ITGB7: variants seen among roughly 807,000 people sequenced by gnomAD.
ITGB7 encodes integrin beta-7.
Under a neutral mutation model 83.4 loss-of-function variants are expected in ITGB7, and 55 were observed. The ratio of observed to expected loss-of-function variants is 0.66; its 90% confidence interval spans 0.53 to 0.83. The LOEUF (loss-of-function observed/expected upper bound fraction) is 0.83. Ranked by LOEUF, ITGB7 falls within the 40% of genes least tolerant of loss-of-function variation. The pLI is 0.00. For synonymous variants in ITGB7, 454 were observed against 423.6 expected (o/e 1.07, Z -0.88); for missense variants, 921 against 1,046.7 (o/e 0.88, Z 1.66).
chr12:53,197,616 G>C lies in ITGB7; in HGVS notation c.451C>G (p.Pro151Ala), dbSNP rs371466329. ...TCCATAAGGTAGTACAGGTCCACCG[G>C]GTATCCCTCAGCACGAAGGAAGCGG... is the stretch of plus-strand genomic sequence containing the variant. ...QVRFLRAEGY[P>A]VDLYYLMDLS... The change falls in exon 5 of 16, where the codon CCG becomes GCG. Residue 151 changes from proline (P) to alanine (A), a missense_variant. Pro to Ala is a conservative substitution (Grantham distance 27). Coordinates refer to ENST00000267082, the MANE Select transcript of ITGB7 (RefSeq NM_000889.3). 6.6e-5 allele frequency: 106 copies of C among 1,614,028 alleles called. No individual in the cohort carries two copies. The highest frequency in any genetic ancestry group is 8.5e-5 in the Non-Finnish European group (100 of 1,180,012).
At chr12:53,191,720 G>A (rs1205029443) in intron 15 of ITGB7, 84 bp from the exon 16 acceptor site, 20 of 1,523,698 alleles carry the variant, frequency 1.3e-5, no homozygotes, top group East Asian at 6.8e-5. Flanking sequence ...GCCTTGAGCC[G>A]AATCCTAGGA....
chr12:53,194,227 G>A lies in ITGB7; in HGVS notation c.1279C>T (p.Gln427Ter). 2 of 1,614,024 alleles carry A rather than the reference G, an allele frequency of 1.2e-6. No homozygotes were observed. Among genetic ancestry groups the A allele is most frequent in the South Asian group, 1.1e-5 (1 of 91,082 alleles). ...KREGKAEDRG[Q>*]CNHVRINQTV... ...TGGTTGATTCGGACGTGGTTGCACTGTCCTCGATCCTCAGCCTTACCCTCC... is the reference window on the plus strand; with the variant it reads ...TGGTTGATTCGGACGTGGTTGCACTATCCTCGATCCTCAGCCTTACCCTCC... Residue 427 changes from glutamine (Q) to a stop codon, truncating the protein, a stop_gained, in exon 10 of 16, where the codon CAG becomes TAG. Coordinates refer to ENST00000267082, the MANE Select transcript of ITGB7 (RefSeq NM_000889.3). LOFTEE classifies it high-confidence loss of function.
chr12:53,195,535 G>C (rs1942127405), intron 8 of ITGB7, 72 bp from the exon 9 acceptor site: 1 of 1,518,030 alleles, frequency 6.6e-7, no homozygotes, highest in Non-Finnish European at 9.2e-7. Flanking sequence ...GGTCTGGAAG[G>C]AGGGCATATG....
Position 53,197,549 on chromosome 12 carries a change from T to C in ITGB7, c.518A>G (p.Gln173Arg). Reference sequence around the variant, plus strand: ...CCGGACCAGCAGAGCGTGCCCGAGCTGGCGCACGCGTTCCAGGTCGTCCTT... The same window carrying C: ...CCGGACCAGCAGAGCGTGCCCGAGCCGGCGCACGCGTTCCAGGTCGTCCTT... ...SMKDDLERVR[Q>R]LGHALLVRLQ... Residue 173 changes from glutamine to arginine, a missense_variant, in exon 5 of 16, where the codon CAG (glutamine) becomes CGG (arginine). By Grantham distance (43) the Gln-to-Arg change is conservative. Transcript: ENST00000267082. The C allele has an allele frequency of 6.2e-7, 1 of 1,614,200 alleles. No homozygotes were observed. The highest frequency in any genetic ancestry group is 8.5e-7 in the Non-Finnish European group (1 of 1,180,028).
intron 2 of ITGB7, among the ~76,000 whole-genome samples, 185 bp from the exon 3 acceptor site, chr12:53,200,631 A>C (rs898989303): frequency 1.3e-5 from 2 of 152,170 alleles, no homozygotes; most frequent in African/African-American, 4.8e-5. Flanking sequence ...AGCAGGTATC[A>C]CGCAAAGGTA....
intron 2 of ITGB7, 120 bp from the exon 3 acceptor site, chr12:53,200,566 C>G: frequency 1.3e-6 from 1 of 758,714 alleles, no homozygotes; most frequent in Non-Finnish European, 2.2e-6. Flanking sequence ...TTTATCTCCC[C>G]TCATAGTTTC....
In ITGB7 at chr12:53,193,120, C is replaced by T. The variant is rs373892008; in HGVS notation, c.1726+20G>A. 2,471 of 1,590,468 alleles carry T rather than the reference C, an allele frequency of 1.6e-3. 44 individuals are homozygous for T. The South Asian group carries it at 0.026, about 17-fold the overall frequency. On this transcript the variant is annotated intron_variant, in intron 12 of 15. Coordinates refer to ENST00000267082, the MANE Select transcript of ITGB7 (RefSeq NM_000889.3). ...GGAAGGCCTCTCAGACCCCGCCCTT[C>T]TCCCCAAGGCTCCAGGTACCTCCGC...
intron 2 of ITGB7, among the ~76,000 whole-genome samples, 197 bp from the exon 3 acceptor site, chr12:53,200,643 G>A (rs984458402): frequency 6.6e-6 from 1 of 152,084 alleles, no homozygotes; most frequent in Non-Finnish European, 1.5e-5. Flanking sequence ...GCAAAGGTAG[G>A]GGCCTCCGGA....
At chr12:53,193,018 C>A in intron 12 of ITGB7, 108 bp from the exon 13 acceptor site, 1 of 1,355,410 alleles carries the variant, frequency 7.4e-7, no homozygotes, top group Non-Finnish European at 1.0e-6. Context: ...ATGCCAACCA[C>A]ACCCTCTAAC....
chr12:53,204,244 G>A (rs1309691153), intron 1 of ITGB7, among the ~76,000 whole-genome samples: 1 of 152,040 alleles, frequency 6.6e-6, no homozygotes, highest in African/African-American at 2.4e-5. Context: ...TCCAGGCATG[G>A]TGGTGGTCTC....
rs1467256237 is a variant in ITGB7 at position 53,191,426 on chromosome 12, T to C, written c.*130A>G. On this transcript the variant is annotated 3_prime_UTR_variant, in exon 16 of 16. Transcript: ENST00000267082. ...CTTGGGTGTCACTCTGAAAATGAAG[T>C]AGGGTGGTGGCCGCACCTCGCCAGT... 4.0e-6 allele frequency: 3 copies of C among 747,226 alleles called. No individual in the cohort carries two copies. The Admixed American group carries it at 5.9e-5, about 15-fold the overall frequency. The allele number at this position is 747,226 out of a possible 1,614,324, so 46.3% of individuals were successfully genotyped here. A position where few individuals can be genotyped will look rare whatever the true frequency, so the allele number is the denominator to read the frequency against.
intron 1 of ITGB7, among the ~76,000 whole-genome samples, chr12:53,203,322 C>T (rs1221102360): frequency 6.6e-6 from 1 of 152,072 alleles, no homozygotes; most frequent in Admixed American, 6.5e-5. Context: ...AAAAGATGCT[C>T]AACACTATTA....
At position 53,200,428 on chromosome 12, in the gene ITGB7, T is replaced by C. The variant is rs758997266; in HGVS notation, c.16A>G (p.Met6Val). ...AGGACCAGCAGCAAAACAAGGACCA[T>C]TGGCAAAGCCACCATGCCCTGTAAT... is the stretch of plus-strand genomic sequence containing the variant. MVALP[M>V]VLVLLLVLSR... The change falls in exon 3 of 16, where the codon ATG becomes GTG. Residue 6 changes from methionine to valine, a missense_variant. By Grantham distance (21) the Met-to-Val change is conservative (BLOSUM62 1). Coordinates refer to ENST00000267082, the MANE Select transcript of ITGB7 (RefSeq NM_000889.3). The C allele has an allele frequency of 4.3e-6, 7 of 1,614,022 alleles. No individual in the cohort carries two copies. Among genetic ancestry groups the C allele is most frequent in the Admixed American group, 3.3e-5 (2 of 59,992 alleles).
At chr12:53,199,524 C>T (rs1942270337) in intron 3 of ITGB7, among the ~76,000 whole-genome samples, 1 of 149,436 alleles carries the variant, frequency 6.7e-6, no homozygotes, top group Non-Finnish European at 1.5e-5. Flanking sequence ...CCCCTCCCCA[C>T]CCCCACCCCA....
In ITGB7 at chr12:53,191,888, T is replaced by C. The variant is rs1555176936; in HGVS notation, c.2287A>G (p.Lys763Glu). The stretch of plus-strand genomic sequence containing the variant: ...TTCCAGTTGAGTTGTTGCTGCTCCT[T>C]CTCAAAGCGACTGTATTCCCGGCGG... ...YDRREYSRFEKEQQQLNWKQD... is the reference protein window; with the variant it reads ...YDRREYSRFEEEQQQLNWKQD... Residue 763 changes from lysine (K) to glutamate (E), a missense_variant, in exon 15 of 16, where the codon AAG becomes GAG. Coordinates refer to ENST00000267082, the MANE Select transcript of ITGB7 (RefSeq NM_000889.3). 3 of 1,612,270 alleles carry C rather than the reference T, an allele frequency of 1.9e-6. No homozygotes were observed. The highest frequency in any genetic ancestry group is 1.3e-5 in the African/African-American group (1 of 74,706).
In ITGB7 at chr12:53,196,036, C is replaced by A. The variant is rs75336352; in HGVS notation, c.975+5G>T. The A allele has an allele frequency of 1.4e-5, 22 of 1,613,308 alleles. No individual in the cohort carries two copies. The highest frequency in any genetic ancestry group is 1.9e-5 in the Non-Finnish European group (22 of 1,179,406). ...GGGAGAGGCAGGGTGACAATAGGGA[C>A]TCACAAACTCTGTGCTGCGACTGTA... On this transcript the variant is annotated splice_donor_5th_base_variant and intron_variant, in intron 7 of 15. Coordinates refer to ENST00000267082, the MANE Select transcript of ITGB7 (RefSeq NM_000889.3).
In ITGB7 at chr12:53,200,119, G is replaced by C; in HGVS notation, c.201+124C>G. 6 of 816,960 alleles carry C rather than the reference G, an allele frequency of 7.3e-6. No individual in the cohort carries two copies. In the South Asian group the frequency reaches 9.9e-5, roughly 13 times the overall value. The allele number at this position is 816,960 out of a possible 1,614,324, so 50.6% of individuals were successfully genotyped here. ...CACAAACTCAGTCACACATGAGACT[G>C]TGGAGTGTTCCCAGAAAATCATACA... is the stretch of plus-strand genomic sequence containing the variant. On this transcript the variant is annotated intron_variant, in intron 3 of 15. Transcript: ENST00000267082.
intron 7 of ITGB7, 46 bp downstream of exon 7, chr12:53,195,995 A>G: frequency 1.4e-5 from 22 of 1,602,358 alleles, no homozygotes; most frequent in East Asian, 2.2e-5. Flanking sequence ...GGAAGGAAAG[A>G]GGTGTGGCTG....
Position 53,195,674 on chromosome 12 carries a change from A to G in ITGB7, c.1023T>C (p.Asn341=), listed in dbSNP as rs1336484286. ...GQVAQALSAA[N]IQPIFAVTSA... is the part of the protein sequence containing the mutation. ...TGGTGACAGCAAAGATGGGCTGGAT[A>G]TTTGCTGCAGAGAGGGCCTGGGCTA... is the stretch of plus-strand genomic sequence containing the variant. Residue 341 remains asparagine, a synonymous_variant, in exon 8 of 16, where the codon AAT becomes AAC. Coordinates refer to ENST00000267082, the MANE Select transcript of ITGB7 (RefSeq NM_000889.3). 1.9e-6 allele frequency: 3 copies of G among 1,613,948 alleles called. No individual in the cohort carries two copies. Among genetic ancestry groups the G allele is most frequent in the African/African-American group, 2.7e-5 (2 of 74,876 alleles).
Sources: allele counts gnomAD v4.1 joint callset (sites outside exome capture counted in the v4.1 genomes callset), GRCh38; gene constraint gnomAD v4.1.1; transcripts MANE v1.5; gene names NCBI Gene and HGNC (gene_info 2026-07-23, HGNC 2026-07-21).